Variants in FUT8 observed in about 807,000 individuals in gnomAD.
The protein encoded by FUT8 is fucosyltransferase 8.
FUT8 carries 29 observed loss-of-function variants against 71.3 expected under a neutral mutation model. That is an observed-to-expected ratio of 0.41 (90% CI 0.30 to 0.55). FUT8 has a LOEUF of 0.55. Ranked by LOEUF, FUT8 falls within the 20% of genes least tolerant of loss-of-function variation. The pLI is 0.34. For synonymous variants in FUT8, 254 were observed against 239.3 expected (o/e 1.06, Z -0.57); for missense variants, 544 against 702.1 (o/e 0.77, Z 2.55).
intron 2 of FUT8, chr14:65,528,862 G>A (rs1487479178): frequency 6.6e-6 from 1 of 152,252 alleles, no homozygotes; most frequent in African/African-American, 2.4e-5. Flanking sequence ...TCATCATCTT[G>A]AGTATCATAA....
intron 7 of FUT8, among the ~76,000 whole-genome samples, chr14:65,682,208 A>G (rs1481085109): frequency 6.6e-6 from 1 of 152,230 alleles, no homozygotes; most frequent in Non-Finnish European, 1.5e-5. Context: ...GATTTAAACA[A>G]GAATCCCAAG....
intron 6 of FUT8, among the ~76,000 whole-genome samples, chr14:65,651,425 A>T (rs995984322): frequency 6.6e-6 from 1 of 152,236 alleles, no homozygotes; most frequent in Non-Finnish European, 1.5e-5. Flanking sequence ...GTTGGCTAAG[A>T]CATGCATTGT....
chr14:65,616,341 T>C lies in FUT8; in HGVS notation c.450T>C (p.Asp150=), dbSNP rs1219264865. The change falls in exon 5 of 11, where the codon GAT becomes GAC. Residue 150 remains aspartate (D), a synonymous_variant. Transcript: ENST00000673929. ...GAAATGAACTCCAAAGACATGCAGA[T>C]GAATTTCTTTTGGATTTAGGACATC... is the stretch of plus-strand genomic sequence containing the variant. ...LEGNELQRHA[D]EFLLDLGHHE... is the part of the protein sequence containing the mutation. The C allele has an allele frequency of 6.2e-7, 1 of 1,606,804 alleles. No homozygotes were observed. Among genetic ancestry groups the C allele is most frequent in the Non-Finnish European group, 8.5e-7 (1 of 1,177,662 alleles).
At chr14:65,593,610 T>C (rs1306435113) in intron 3 of FUT8, among the ~76,000 whole-genome samples, 1 of 151,984 alleles carries the variant, frequency 6.6e-6, no homozygotes, top group Non-Finnish European at 1.5e-5. Context: ...AGTTTTGTTC[T>C]TTTTGCCCAG....
intron 2 of FUT8, among the ~76,000 whole-genome samples, chr14:65,510,182 G>T (rs976995037): frequency 2.6e-5 from 4 of 152,104 alleles, no homozygotes; most frequent in Non-Finnish European, 4.4e-5. Context: ...AGCATTAATT[G>T]AAATGGTCAT....
chr14:65,524,257 G>A (rs1883289953), intron 2 of FUT8, among the ~76,000 whole-genome samples: 1 of 152,068 alleles, frequency 6.6e-6, no homozygotes, highest in Non-Finnish European at 1.5e-5. Flanking sequence ...ATTGAGCAGT[G>A]GTTTGTAGTT....
chr14:65,614,929 G>A (rs1216727507), intron 3 of FUT8, among the ~76,000 whole-genome samples: 2 of 152,086 alleles, frequency 1.3e-5, no homozygotes, highest in Non-Finnish European at 2.9e-5. Flanking sequence ...ACTGCCATAA[G>A]TCACATAAAA....
intron 3 of FUT8, among the ~76,000 whole-genome samples, chr14:65,593,180 T>G (rs1887782850): frequency 6.6e-6 from 1 of 152,220 alleles, no homozygotes; most frequent in South Asian, 2.1e-4. Context: ...AATTATTTCC[T>G]TGAATCACTG....
At chr14:65,676,940 G>A (rs1004927010) in intron 7 of FUT8, among the ~76,000 whole-genome samples, 2 of 151,920 alleles carry the variant, frequency 1.3e-5, no homozygotes, top group Non-Finnish European at 2.9e-5. Context: ...TAATTTCTTT[G>A]TCTCCCTTCC....
chr14:65,408,928 G>A (rs969751179), upstream of FUT8, among the ~76,000 whole-genome samples: 1 of 152,164 alleles, frequency 6.6e-6, no homozygotes, highest in African/African-American at 2.4e-5. Flanking sequence ...ACGAGCCTTG[G>A]CAACATTCTG....
upstream of FUT8, among the ~76,000 whole-genome samples, chr14:65,407,051 C>T (rs887891659): frequency 6.6e-6 from 1 of 152,198 alleles, no homozygotes; most frequent in African/African-American, 2.4e-5. Context: ...TAGTTGCAGA[C>T]TCGGTTCATC....
In FUT8 at chr14:65,616,101, A is replaced by G. The variant is rs1566854710; in HGVS notation, c.319+8A>G. 6.2e-7 allele frequency: 1 copy of G among 1,611,230 alleles called. No individual in the cohort carries two copies. The highest frequency in any genetic ancestry group is 1.7e-5 in the Admixed American group (1 of 59,888). ...AGAAACAGACCAGAAATGGTAGGTG[A>G]TTATACAGTGTTTTCCCCTCCTCAG... On this transcript the variant is annotated splice_region_variant and intron_variant, in intron 4 of 10. Transcript: ENST00000673929.
At chr14:65,683,652 T>G (rs1268146941) in intron 7 of FUT8, among the ~76,000 whole-genome samples, 1 of 152,148 alleles carries the variant, frequency 6.6e-6, no homozygotes, top group Non-Finnish European at 1.5e-5. Flanking sequence ...AATCAAATAT[T>G]TGGATATTGA....
At chr14:65,609,462 G>T (rs1460700202) in intron 3 of FUT8, among the ~76,000 whole-genome samples, 3 of 151,680 alleles carry the variant, frequency 2.0e-5, no homozygotes, top group Non-Finnish European at 4.4e-5. Context: ...GCTGAACTGA[G>T]GGTCAGAAAG....
chr14:65,524,575 T>A (rs1883314754), intron 2 of FUT8, among the ~76,000 whole-genome samples: 1 of 152,220 alleles, frequency 6.6e-6, no homozygotes, highest in Non-Finnish European at 1.5e-5. Context: ...TTCTTTCACC[T>A]GCCCGATTGC....
intron 3 of FUT8, among the ~76,000 whole-genome samples, chr14:65,600,499 A>G (rs1310372520): frequency 6.6e-6 from 1 of 152,232 alleles, no homozygotes; most frequent in Admixed American, 6.5e-5. Context: ...TACATTAAAT[A>G]AGTGGTTATA....
At chr14:65,621,859 G>A (rs1400286237) in intron 5 of FUT8, among the ~76,000 whole-genome samples, 1 of 151,658 alleles carries the variant, frequency 6.6e-6, no homozygotes, top group African/African-American at 2.4e-5. Flanking sequence ...GAGTCTCGCT[G>A]TGTCATCCAG....
upstream of FUT8, chr14:65,412,139 CT>C: frequency 2.2e-6 from 1 of 456,418 alleles, no homozygotes; most frequent in South Asian, 1.5e-5. Flanking sequence ...TGGGGGGGGT[CT>C]TTCTCTTCGA....
In FUT8 at chr14:65,534,195, T is replaced by A. The variant is rs76659911; in HGVS notation, c.-227-27142T>A. On this transcript the variant is annotated intron_variant, in intron 2 of 10. Coordinates refer to ENST00000673929, the MANE Select transcript of FUT8 (RefSeq NM_001371533.1). Reference sequence around the variant, plus strand: ...CTGGAGTACAGTGTGCAAACATGACTCACTGCAGCCTTAACCTCCCAGACT... The same window carrying A: ...CTGGAGTACAGTGTGCAAACATGACACACTGCAGCCTTAACCTCCCAGACT... 6.0e-3 allele frequency among the ~76,000 whole-genome samples: 918 copies of A among 152,244 alleles called. 9 individuals are homozygous for A. Among genetic ancestry groups the A allele is most frequent in the East Asian group, 0.035 (184 of 5,188 alleles).
Sources: gnomAD v4.1 joint callset for allele counts (sites outside exome capture counted in the v4.1 genomes callset) on GRCh38, gnomAD v4.1.1 for gene constraint, MANE v1.5 for transcripts, NCBI Gene and HGNC (gene_info 2026-07-23, HGNC 2026-07-21) for gene names.